VAV3: variants seen among roughly 807,000 people sequenced by gnomAD.
The protein encoded by VAV3 is vav guanine nucleotide exchange factor 3.
Under a neutral mutation model 131.2 loss-of-function variants are expected in VAV3, and 94 were observed. That is an observed-to-expected ratio of 0.72 (90% CI 0.61 to 0.85). The LOEUF is 0.85. Among genes scored for constraint, VAV3 ranks in the 40% least tolerant of loss-of-function variants. The pLI, the probability that VAV3 is intolerant of heterozygous loss-of-function variation, is 0.00. For synonymous variants in VAV3, 349 were observed against 342.0 expected, an observed-to-expected ratio of 1.02 and a Z score of -0.22; for missense variants, 939 against 1,002.7, an observed-to-expected ratio of 0.94 and a Z score of 0.86.
intron 25 of VAV3, among the ~76,000 whole-genome samples, chr1:107,589,834 A>G (rs1001003212): frequency 2.0e-5 from 3 of 152,218 alleles, no homozygotes; most frequent in African/African-American, 7.2e-5. Context: ...GAAGGAGATA[A>G]TAAATATTGT....
At chr1:107,744,416 G>A (rs1031008624) in intron 15 of VAV3, among the ~76,000 whole-genome samples, 1 of 152,106 alleles carries the variant, frequency 6.6e-6, no homozygotes, top group Non-Finnish European at 1.5e-5. Flanking sequence ...AGAATTGTTA[G>A]AATTTCAAAA....
At chr1:107,675,230 T>G (rs1658112348) in intron 19 of VAV3, among the ~76,000 whole-genome samples, 1 of 152,218 alleles carries the variant, frequency 6.6e-6, no homozygotes, top group Non-Finnish European at 1.5e-5. Flanking sequence ...TACAGGTATC[T>G]ATATGTATCA....
chr1:107,688,263 G>T, intron 18 of VAV3, 118 bp downstream of exon 18: 2 of 1,252,268 alleles, frequency 1.6e-6, no homozygotes, highest in Non-Finnish European at 2.2e-6. Context: ...CTCTGTTTCT[G>T]TTTATTTCTA....
rs145358260 is a variant in VAV3, at chr1:107,789,695, T to C, written c.322-10203A>G. 6.8e-3 allele frequency among the ~76,000 whole-genome samples: 1,041 copies of C among 152,318 alleles called. 28 individuals carry two copies. The highest frequency in any genetic ancestry group is 0.053 in the Admixed American group (815 of 15,298). On this transcript the variant is annotated intron_variant, in intron 2 of 26. Coordinates refer to ENST00000370056, the MANE Select transcript of VAV3 (RefSeq NM_006113.5). ...AGTCAACAGAAATGTGTAAGTCACA[T>C]ACATAACTTAATATTTTAAAAGCCA...
chr1:107,725,004 G>A (rs980050085), intron 15 of VAV3, among the ~76,000 whole-genome samples: 1 of 152,174 alleles, frequency 6.6e-6, no homozygotes, highest in Admixed American at 6.5e-5. Context: ...ATGCTGAAGG[G>A]GTGAGGTGAG....
chr1:107,729,462 T>A (rs1009363226), intron 15 of VAV3, among the ~76,000 whole-genome samples: 1 of 151,198 alleles, frequency 6.6e-6, no homozygotes, highest in South Asian at 2.1e-4. Flanking sequence ...AACCTGAGTT[T>A]AAAAAAAAAC....
intron 1 of VAV3, among the ~76,000 whole-genome samples, chr1:107,895,306 G>A (rs996517580): frequency 6.6e-5 from 10 of 152,118 alleles, no homozygotes; most frequent in African/African-American, 2.2e-4. Context: ...GCTAACATTT[G>A]TATTCCACTT....
At chr1:107,802,458 T>C (rs1040507159) in intron 2 of VAV3, among the ~76,000 whole-genome samples, 3 of 152,164 alleles carry the variant, frequency 2.0e-5, no homozygotes, top group Non-Finnish European at 4.4e-5. Flanking sequence ...CCCCATTCAA[T>C]ATGCTATTGA....
chr1:107,905,370 C>T (rs966515859), intron 1 of VAV3, among the ~76,000 whole-genome samples: 3 of 152,138 alleles, frequency 2.0e-5, no homozygotes, highest in East Asian at 1.9e-4. Flanking sequence ...CATATATTTA[C>T]ATGTATTTGT....
chr1:107,612,707 G>T (rs1335717192), intron 21 of VAV3, among the ~76,000 whole-genome samples: 1 of 151,966 alleles, frequency 6.6e-6, no homozygotes, highest in Non-Finnish European at 1.5e-5. Context: ...ATTTTCTTAT[G>T]TTCCAAAAAA....
chr1:107,693,021 C>A (rs1166239872), intron 17 of VAV3, among the ~76,000 whole-genome samples: 1 of 152,112 alleles, frequency 6.6e-6, no homozygotes, highest in African/African-American at 2.4e-5. Context: ...ATAAAGATTG[C>A]TGTCTGGGAT....
intron 5 of VAV3, 74 bp downstream of exon 5, chr1:107,772,661 C>A (rs1384382003): frequency 1.6e-6 from 2 of 1,287,562 alleles, no homozygotes; most frequent in African/African-American, 3.0e-5. Context: ...GCAGATGTTA[C>A]ATAAATTATT....
At chr1:107,869,264 C>T (rs779787297) in intron 2 of VAV3, among the ~76,000 whole-genome samples, 10 of 152,096 alleles carry the variant, frequency 6.6e-5, no homozygotes, top group African/African-American at 9.7e-5. Flanking sequence ...GAAAGAGAAA[C>T]GATGGCTGTG....
In VAV3 at chr1:107,903,453, T is replaced by C. The variant is rs772660558; in HGVS notation, c.205-28436A>G. On this transcript the variant is annotated intron_variant, in intron 1 of 26. Transcript: ENST00000370056. ...AAAGTAGAATGGAATATGAGGGCTG[T>C]GGCAGCAGAGAGACCTGCATTTGAC... Among the ~76,000 whole-genome samples the C allele has an allele frequency of 5.3e-5, 8 of 152,118 alleles. 1 individual carries two copies. In the South Asian group the frequency reaches 8.3e-4, roughly 16 times the overall value.
rs566485511 is a variant in VAV3 at position 107,603,053 on chromosome 1, C to G, written c.2126G>C (p.Ser709Thr). Residue 709 changes from serine to threonine, a missense_variant, in exon 23 of 27, where the codon AGC becomes ACC. By Grantham distance (58) the Ser-to-Thr change is moderately conservative (BLOSUM62 1). Coordinates refer to ENST00000370056, the MANE Select transcript of VAV3 (RefSeq NM_006113.5). ...RTKESGEYAI[S>T]IKYNNEAKHI... ...AAGTACTTGTCCTACTTACTTAATG[C>G]TAATTGCATATTCTCCTGACTCTTT... 1 of 1,610,068 alleles carries G rather than the reference C, an allele frequency of 6.2e-7. No individual in the cohort carries two copies. Among genetic ancestry groups the G allele is most frequent in the African/African-American group, 1.3e-5 (1 of 74,922 alleles).
rs960975028 is a variant in VAV3 at position 107,636,693 on chromosome 1, T to C, written c.1914+5926A>G. On this transcript the variant is annotated intron_variant, in intron 20 of 26. Coordinates refer to ENST00000370056, the MANE Select transcript of VAV3 (RefSeq NM_006113.5). ...GGTTGCATGGGCCCTCCAAGTATAG[T>C]TTCTACTGCATGTGTATCATTTTTA... is the stretch of plus-strand genomic sequence containing the variant. 5.3e-5 allele frequency among the ~76,000 whole-genome samples: 8 copies of C among 152,130 alleles called. No individual in the cohort carries two copies. The East Asian group carries it at 1.5e-3, about 29-fold the overall frequency.
At chr1:107,910,037 T>C (rs1198304349) in intron 1 of VAV3, among the ~76,000 whole-genome samples, 1 of 152,226 alleles carries the variant, frequency 6.6e-6, no homozygotes, top group Non-Finnish European at 1.5e-5. Flanking sequence ...GACACTATGC[T>C]AGCACACTGC....
chr1:107,758,620 T>A (rs1214182319), intron 10 of VAV3, among the ~76,000 whole-genome samples: 2 of 152,102 alleles, frequency 1.3e-5, no homozygotes, highest in African/African-American at 4.8e-5. Context: ...CCTTCTGACT[T>A]GCAGTCTCTC....
intron 1 of VAV3, among the ~76,000 whole-genome samples, chr1:107,940,465 T>C (rs750891035): frequency 6.6e-5 from 10 of 152,146 alleles, no homozygotes; most frequent in Non-Finnish European, 1.2e-4. Flanking sequence ...TCCAGGACAT[T>C]TGAAAGATAG....
Sources: gnomAD v4.1 joint callset for allele counts (sites outside exome capture counted in the v4.1 genomes callset) on GRCh38, gnomAD v4.1.1 for gene constraint, MANE v1.5 for transcripts, NCBI Gene and HGNC (gene_info 2026-07-23, HGNC 2026-07-21) for gene names.